The following SIN3A variants were observed in gnomAD, a reference collection of about 807,000 sequenced individuals.
SIN3A encodes paired amphipathic helix protein Sin3a.
SIN3A carries 14 observed loss-of-function variants against 146.1 expected under a neutral mutation model. The observed-to-expected ratio is 0.10, with a 90% CI of 0.06 to 0.15. The LOEUF (loss-of-function observed/expected upper bound fraction) is 0.15, where lower values mean the gene tolerates loss of function less well. Ranked by LOEUF, SIN3A falls within the 10% of genes least tolerant of loss-of-function variation. The probability of loss-of-function intolerance (pLI) is 1.00; values close to 1 mark genes in which losing one functional copy is unlikely to be tolerated. For synonymous variants in SIN3A, 572 were observed against 572.0 expected, an observed-to-expected ratio of 1.00 and a Z score of 0.00; for missense variants, 1,028 against 1,576.0, an observed-to-expected ratio of 0.65 and a Z score of 5.89.
upstream of SIN3A, chr15:75,454,788 T>G (rs2141659080): frequency 3.3e-5 from 5 of 151,924 alleles, 1 homozygote; most frequent in South Asian, 1.0e-3. Flanking sequence ...AGAGCAGCAG[T>G]CGCCGCCGCC....
chr15:75,427,366 C>T (rs2073942606), intron 2 of SIN3A, among the ~76,000 whole-genome samples: 1 of 149,384 alleles, frequency 6.7e-6, no homozygotes, highest in Admixed American at 6.7e-5. Context: ...GAGCGAGACA[C>T]CATCTCAAAA....
chr15:75,419,650 T>G (rs1401082255), intron 3 of SIN3A: 1 of 149,032 alleles, frequency 6.7e-6, no homozygotes, highest in African/African-American at 2.5e-5. Context: ...AAAAACCCCG[T>G]CCTAGTAAAA....
intron 9 of SIN3A, among the ~76,000 whole-genome samples, chr15:75,405,704 T>C (rs1400064699): frequency 6.6e-6 from 1 of 152,138 alleles, no homozygotes; most frequent in African/African-American, 2.4e-5. Flanking sequence ...TGAGCCAAGA[T>C]TGCGCCATTG....
At chr15:75,433,052 C>A (rs547258231) in intron 1 of SIN3A, among the ~76,000 whole-genome samples, 22 of 151,168 alleles carry the variant, frequency 1.5e-4, no homozygotes, top group African/African-American at 2.2e-4. Flanking sequence ...ATAACAACAA[C>A]AAAAAAAAAC....
At chr15:75,393,355 G>C (rs930036657) in intron 14 of SIN3A, among the ~76,000 whole-genome samples, 8 of 152,162 alleles carry the variant, frequency 5.3e-5, no homozygotes, top group African/African-American at 1.9e-4. Flanking sequence ...GACTTACAGG[G>C]AGAGTAGGAC....
intron 1 of SIN3A, among the ~76,000 whole-genome samples, chr15:75,437,377 G>C (rs1420933303): frequency 6.6e-6 from 1 of 152,020 alleles, no homozygotes; most frequent in African/African-American, 2.4e-5. Flanking sequence ...ATGCTGCCCA[G>C]GCTGGTCTCC....
chr15:75,413,376 C>T (rs1357508579), intron 4 of SIN3A, among the ~76,000 whole-genome samples: 1 of 152,170 alleles, frequency 6.6e-6, no homozygotes, highest in East Asian at 1.9e-4. Context: ...CCACCTTGGC[C>T]TCCCAAAGTG....
intron 1 of SIN3A, among the ~76,000 whole-genome samples, chr15:75,439,519 T>C (rs1408249554): frequency 1.3e-5 from 2 of 151,802 alleles, no homozygotes; most frequent in Non-Finnish European, 2.9e-5. Context: ...TTTTTTTTTG[T>C]ATTTTTTAGT....
intron 15 of SIN3A, among the ~76,000 whole-genome samples, 200 bp downstream of exon 15, chr15:75,392,042 G>A (rs1207809367): frequency 6.6e-6 from 1 of 152,174 alleles, no homozygotes; most frequent in African/African-American, 2.4e-5. Flanking sequence ...CATGATCTAA[G>A]CCCTGCATAG....
At chr15:75,387,631 T>C (rs1235217650) in intron 16 of SIN3A, among the ~76,000 whole-genome samples, 8 of 149,316 alleles carry the variant, frequency 5.4e-5, no homozygotes, top group African/African-American at 1.7e-4. Context: ...CATAACCAGA[T>C]ACAGTAAATA....
intron 1 of SIN3A, among the ~76,000 whole-genome samples, chr15:75,430,763 A>G (rs2074000342): frequency 6.6e-6 from 1 of 152,134 alleles, no homozygotes. Flanking sequence ...ACATGCTGCA[A>G]AAATATTCAA....
In SIN3A at chr15:75,410,121, TA is replaced by T. The variant is rs767405930; in HGVS notation, c.1161+12del. 3.1e-6 allele frequency: 5 copies of T among 1,612,102 alleles called. No individual in the cohort carries two copies. Among genetic ancestry groups the T allele is most frequent in the Non-Finnish European group, 4.2e-6 (5 of 1,178,996 alleles). On this transcript the variant is annotated intron_variant, in intron 7 of 20. Coordinates refer to ENST00000394947, the MANE Select transcript of SIN3A (RefSeq NM_001145358.2). ...TAATAGTAAATAGTGTAATTCTTAT[TA>T]AAAAAACATACCACGGAGCTGTTGG... is the stretch of plus-strand genomic sequence containing the variant.
Position 75,400,925 on chromosome 15 carries a change from C to T in SIN3A, c.1542G>A (p.Leu514=), listed in dbSNP as rs2073400246. Residue 514 remains leucine (L), a synonymous_variant, in exon 11 of 21, where the codon TTG becomes TTA. Transcript: ENST00000394947. ...CCAGAAAGTTTTTAAACCAATTAAA[C>T]AACTCAGGGAATTTCCTGAAGAATC... ...VSPFLGKFPE[L]FNWFKNFLGY... The T allele has an allele frequency of 6.2e-7, 1 of 1,612,872 alleles. No homozygotes were observed. The highest frequency in any genetic ancestry group is 1.1e-5 in the South Asian group (1 of 91,036).
intron 1 of SIN3A, among the ~76,000 whole-genome samples, chr15:75,449,820 G>A (rs1411234680): frequency 6.6e-6 from 1 of 152,102 alleles, no homozygotes. Flanking sequence ...TGCTCCTGTC[G>A]CCCAGGCTAC....
At chr15:75,429,333 G>A (rs1345424043) in intron 2 of SIN3A, among the ~76,000 whole-genome samples, 1 of 152,152 alleles carries the variant, frequency 6.6e-6, no homozygotes, top group African/African-American at 2.4e-5. Flanking sequence ...GGGCACGGGA[G>A]GACTGCTTGA....
In SIN3A at chr15:75,378,246, T is replaced by C. The variant is rs530023736; in HGVS notation, c.3384-2374A>G. Among the ~76,000 whole-genome samples the C allele has an allele frequency of 2.6e-5, 4 of 152,338 alleles. No individual in the cohort carries two copies. The South Asian group carries it at 8.3e-4, about 32-fold the overall frequency. On this transcript the variant is annotated intron_variant, in intron 19 of 20. Coordinates refer to ENST00000394947, the MANE Select transcript of SIN3A (RefSeq NM_001145358.2). ...CATGAAAAGCCCACTGATGTATAAA[T>C]TGATATTCCAACTAACCTTTAAGAA...
intron 15 of SIN3A, 137 bp downstream of exon 15, chr15:75,392,105 T>A (rs1398954596): frequency 3.8e-6 from 3 of 796,498 alleles, no homozygotes; most frequent in South Asian, 3.5e-5. Flanking sequence ...ATTTTTCAGA[T>A]AAACAGGTTC....
At chr15:75,376,018 G>C (rs1450168108) in intron 19 of SIN3A, 146 bp from the exon 20 acceptor site, 1 of 790,612 alleles carries the variant, frequency 1.3e-6, no homozygotes, top group Non-Finnish European at 2.0e-6. Context: ...TTGTTTCACT[G>C]CAAAAAAAAT....
chr15:75,392,829 G>A lies in SIN3A; in HGVS notation c.2278-14C>T, dbSNP rs373553236. 6 of 1,571,342 alleles carry A rather than the reference G, an allele frequency of 3.8e-6. No individual in the cohort carries two copies. In the South Asian group the frequency reaches 6.8e-5, roughly 18 times the overall value. ...CTGCTCTTGCCTCTGATGGGACAGA[G>A]ACACAAAAGTATTCTGTGAGATGTC... On this transcript the variant is annotated splice_polypyrimidine_tract_variant and intron_variant, in intron 14 of 20. Transcript: ENST00000394947.
Sources: allele counts gnomAD v4.1 joint callset (sites outside exome capture counted in the v4.1 genomes callset), GRCh38; gene constraint gnomAD v4.1.1; transcripts MANE v1.5; gene names NCBI Gene and HGNC (gene_info 2026-07-23, HGNC 2026-07-21).